The following CAV1 variants were observed in gnomAD, a reference collection of about 807,000 sequenced individuals.
CAV1 encodes caveolin 1, also known as caveolin-1.
CAV1 carries 10 observed loss-of-function variants against 16.5 expected under a neutral mutation model. That is an observed-to-expected ratio of 0.61 (90% confidence interval 0.37 to 1.03). The LOEUF (loss-of-function observed/expected upper bound fraction) is 1.03. Among genes scored for constraint, CAV1 ranks in the 50% least tolerant of loss-of-function variants. CAV1 has a pLI of 0.01. For missense variants in CAV1, 212 were observed against 232.8 expected (o/e 0.91, Z 0.58); for synonymous variants, 76 against 85.1 (o/e 0.89, Z 0.59).
chr7:116,534,362 G>GATATATAT (rs1181031913), intron 2 of CAV1, among the ~76,000 whole-genome samples: 80 of 42,520 alleles, frequency 1.9e-3, no homozygotes, highest in East Asian at 7.2e-3. Flanking sequence ...GCCCACCTCA[G>GATATATAT]ATATATATAT....
chr7:116,539,934 C>A (rs1393824703), intron 2 of CAV1, among the ~76,000 whole-genome samples: 1 of 152,136 alleles, frequency 6.6e-6, no homozygotes, highest in Non-Finnish European at 1.5e-5. Flanking sequence ...AAAGGAGTGC[C>A]TGTTGAACCC....
Position 116,559,455 on chromosome 7 carries a change from G to C in CAV1, c.*168G>C, listed in dbSNP as rs41309216. On this transcript the variant is annotated 3_prime_UTR_variant, in exon 3 of 3. Coordinates refer to ENST00000341049, the MANE Select transcript of CAV1 (RefSeq NM_001753.5). ...TTTTCATAAGTATTATGTCTCTTCTGAGCTATTTCATCTATTTTTGGCAGT... is the reference window on the plus strand; with the variant it reads ...TTTTCATAAGTATTATGTCTCTTCTCAGCTATTTCATCTATTTTTGGCAGT... 2.6e-5 allele frequency: 16 copies of C among 620,438 alleles called. No homozygotes were observed. Among genetic ancestry groups the C allele is most frequent in the Non-Finnish European group, 4.5e-5 (16 of 354,420 alleles). The allele number at this position is 620,438 out of a possible 1,614,324, so 38.4% of individuals were successfully genotyped here.
At chr7:116,528,772 A>G (rs1793625145) in intron 2 of CAV1, among the ~76,000 whole-genome samples, 1 of 151,574 alleles carries the variant, frequency 6.6e-6, no homozygotes, top group African/African-American at 2.4e-5. Context: ...GTAAATAATA[A>G]ATTTCCCTAA....
intron 2 of CAV1, among the ~76,000 whole-genome samples, chr7:116,530,876 C>CGTT (rs1032622131): frequency 1.3e-5 from 2 of 152,090 alleles, no homozygotes; most frequent in Non-Finnish European, 2.9e-5. Context: ...ATGAAGGTGA[C>CGTT]GTTTTTGTAA....
At chr7:116,542,145 C>T (rs1385568310) in intron 2 of CAV1, among the ~76,000 whole-genome samples, 1 of 152,186 alleles carries the variant, frequency 6.6e-6, no homozygotes, top group South Asian at 2.1e-4. Context: ...CAGCATGAAG[C>T]ATTATCTGTA....
At chr7:116,552,492 A>G (rs1794182917) in intron 2 of CAV1, among the ~76,000 whole-genome samples, 1 of 152,226 alleles carries the variant, frequency 6.6e-6, no homozygotes, top group Admixed American at 6.5e-5. Flanking sequence ...AAACCTAAAC[A>G]GCTGTGGCTT....
At chr7:116,537,771 G>A (rs3807986) in intron 2 of CAV1, among the ~76,000 whole-genome samples, 101,697 of 151,970 alleles carry the variant, frequency 0.67, 35,799 homozygotes, top group East Asian at 0.78. Flanking sequence ...CTAGATCTTG[G>A]CAAGTGGTTT....
At chr7:116,525,794 G>A in intron 1 of CAV1, 1 of 1,043,302 alleles carries the variant, frequency 9.6e-7, no homozygotes, top group Non-Finnish European at 1.2e-6. Flanking sequence ...GTGGGTCGGG[G>A]GAGCTGCGCA....
chr7:116,546,447 T>C (rs763580737), intron 2 of CAV1, among the ~76,000 whole-genome samples: 1 of 151,898 alleles, frequency 6.6e-6, no homozygotes, highest in Non-Finnish European at 1.5e-5. Context: ...CCCAGCAATT[T>C]GGGAGCCTGA....
chr7:116,539,434 T>C (rs1391930957), intron 2 of CAV1, among the ~76,000 whole-genome samples: 1 of 152,172 alleles, frequency 6.6e-6, no homozygotes, highest in Non-Finnish European at 1.5e-5. Context: ...GAAATTCTTT[T>C]TAAAGTAAGT....
chr7:116,549,161 G>A (rs1285776053), intron 2 of CAV1, among the ~76,000 whole-genome samples: 4 of 152,082 alleles, frequency 2.6e-5, no homozygotes, highest in South Asian at 4.2e-4. Flanking sequence ...GAGACAAGAG[G>A]CACCAAAGGA....
At chr7:116,546,292 G>A (rs978180029) in intron 2 of CAV1, among the ~76,000 whole-genome samples, 21 of 152,300 alleles carry the variant, frequency 1.4e-4, no homozygotes, top group Admixed American at 3.3e-4. Flanking sequence ...TAATGAACAC[G>A]TGAGGCCATG....
chr7:116,549,813 A>G (rs1794122964), intron 2 of CAV1, among the ~76,000 whole-genome samples: 1 of 152,178 alleles, frequency 6.6e-6, no homozygotes, highest in South Asian at 2.1e-4. Context: ...GCATAGTACC[A>G]CTAGGTATTA....
chr7:116,538,412 C>A (rs1793868953), intron 2 of CAV1, among the ~76,000 whole-genome samples: 1 of 152,180 alleles, frequency 6.6e-6, no homozygotes, highest in Non-Finnish European at 1.5e-5. Flanking sequence ...TCTTTTCTAT[C>A]TTCTTAGAAG....
intron 2 of CAV1, among the ~76,000 whole-genome samples, chr7:116,551,097 G>A (rs1292936981): frequency 6.6e-6 from 1 of 152,166 alleles, no homozygotes; most frequent in African/African-American, 2.4e-5. Flanking sequence ...TCTTTTGCAC[G>A]AGACAAAGGG....
At chr7:116,551,170 T>C (rs1035850087) in intron 2 of CAV1, among the ~76,000 whole-genome samples, 1 of 152,172 alleles carries the variant, frequency 6.6e-6, no homozygotes, top group African/African-American at 2.4e-5. Context: ...GATTCTGAAA[T>C]GGGGCCGGAG....
chr7:116,540,141 G>A (rs547052403), intron 2 of CAV1, among the ~76,000 whole-genome samples: 1 of 152,280 alleles, frequency 6.6e-6, no homozygotes, highest in South Asian at 2.1e-4. Context: ...GCTGGGAGGT[G>A]ATAACTGTTA....
At chr7:116,525,674 C>T in intron 1 of CAV1, 10 of 1,091,446 alleles carry the variant, frequency 9.2e-6, no homozygotes, top group Non-Finnish European at 1.1e-5. Flanking sequence ...CTGCCACCAT[C>T]ACTTCCAACG....
intron 2 of CAV1, among the ~76,000 whole-genome samples, chr7:116,530,086 C>T (rs1040675566): frequency 6.6e-6 from 1 of 152,060 alleles, no homozygotes; most frequent in African/African-American, 2.4e-5. Flanking sequence ...TAAATCCTAG[C>T]AATCACAAAG....
Sources: allele counts gnomAD v4.1 joint callset (sites outside exome capture counted in the v4.1 genomes callset), GRCh38; gene constraint gnomAD v4.1.1; transcripts MANE v1.5; gene names NCBI Gene and HGNC (gene_info 2026-07-23, HGNC 2026-07-21).